The following BCAS3 variants were observed in gnomAD, a reference collection of about 807,000 sequenced individuals.
The protein encoded by BCAS3 is BCAS4/BCAS3 fusion.
Under a neutral mutation model 116.1 loss-of-function variants are expected in BCAS3, and 53 were observed. The observed-to-expected ratio is 0.46, with a 90% confidence interval of 0.37 to 0.57. BCAS3 has a LOEUF of 0.57. BCAS3 is among the 20% of genes least tolerant of loss of function. The probability of loss-of-function intolerance (pLI) is 0.00; values close to 1 mark genes in which losing one functional copy is unlikely to be tolerated. For missense variants in BCAS3, 917 were observed against 1,165.4 expected, an observed-to-expected ratio of 0.79 and a Z score of 3.10; for synonymous variants, 391 against 408.2, an observed-to-expected ratio of 0.96 and a Z score of 0.51.
intron 4 of BCAS3, among the ~76,000 whole-genome samples, chr17:60,705,246 T>A (rs8075596): frequency 0.07 from 10,662 of 152,080 alleles, 1,246 homozygotes; most frequent in African/African-American, 0.24. Flanking sequence ...GGGCCGGGCA[T>A]GGTGGCTCAT....
At chr17:60,905,447 TG>T (rs1259348106) in intron 11 of BCAS3, among the ~76,000 whole-genome samples, 2 of 152,236 alleles carry the variant, frequency 1.3e-5, no homozygotes, top group Non-Finnish European at 2.9e-5. Flanking sequence ...AGATAGTTTC[TG>T]GTTCTCTTGG....
intron 5 of BCAS3, among the ~76,000 whole-genome samples, chr17:60,716,505 C>T (rs549504312): frequency 9.9e-5 from 15 of 152,004 alleles, no homozygotes; most frequent in Non-Finnish European, 1.6e-4. Flanking sequence ...CATGGTGGCT[C>T]ACGCCTATAC....
At chr17:61,090,704 C>T (rs936653413) in intron 22 of BCAS3, among the ~76,000 whole-genome samples, 2 of 152,086 alleles carry the variant, frequency 1.3e-5, no homozygotes, top group Admixed American at 6.5e-5. Flanking sequence ...GTTGCCCAGG[C>T]TGGAGTGCAG....
Position 61,215,883 on chromosome 17 carries a change from GC to G in BCAS3, c.2425+131321del, listed in dbSNP as rs2081754616. Among the ~76,000 whole-genome samples, 1 of 152,160 alleles carries G rather than the reference GC, an allele frequency of 6.6e-6. No homozygotes were observed. The highest frequency in any genetic ancestry group is 1.9e-4 in the East Asian group (1 of 5,204). On this transcript the variant is annotated intron_variant, in intron 22 of 23. Coordinates refer to ENST00000407086, the MANE Select transcript of BCAS3 (RefSeq NM_017679.5). This position sits in a 1 kb window ranked among gnomAD's most constrained non-coding sequence, Gnocchi z 4.8. Reference sequence around the variant, plus strand: ...ACTCCCTGAGTAATTCTAGTGTACAGCCAGATTTGAAAACCTTTGTCTTAGT... The same window carrying G: ...ACTCCCTGAGTAATTCTAGTGTACAGCAGATTTGAAAACCTTTGTCTTAGT...
chr17:61,151,238 C>T lies in BCAS3; in HGVS notation c.2425+66674C>T, dbSNP rs374151397. Among the ~76,000 whole-genome samples the T allele has an allele frequency of 2.0e-5, 3 of 152,170 alleles. No individual in the cohort carries two copies. In the East Asian group the frequency reaches 5.8e-4, roughly 29 times the overall value. On this transcript the variant is annotated intron_variant, in intron 22 of 23. Coordinates refer to ENST00000407086, the MANE Select transcript of BCAS3 (RefSeq NM_017679.5). This position sits in a 1 kb window ranked among gnomAD's most constrained non-coding sequence, Gnocchi z 4.8. ...AAGGCAATGTTCATTGGAGGATTTTCGATCTTCAGATTAGGGATTCTCAAC... is the reference window on the plus strand; with the variant it reads ...AAGGCAATGTTCATTGGAGGATTTTTGATCTTCAGATTAGGGATTCTCAAC...
At chr17:60,965,605 A>G (rs1177987564) in intron 14 of BCAS3, among the ~76,000 whole-genome samples, 1 of 152,042 alleles carries the variant, frequency 6.6e-6, no homozygotes, top group East Asian at 1.9e-4. Flanking sequence ...TCATTGACCT[A>G]TTGGTCACTC....
rs149555184 is a variant in BCAS3 at position 61,213,201 on chromosome 17, A to C, written c.2425+128637A>C. Among the ~76,000 whole-genome samples, 618 of 151,778 alleles carry C rather than the reference A, an allele frequency of 4.1e-3. 6 individuals carry two copies. Among genetic ancestry groups the C allele is most frequent in the African/African-American group, 0.014 (574 of 41,362 alleles). ...GTTTTTTGTTTTGAGATTGAGTCTC[A>C]CTCTGTCACCCAGGCTGGAGTGCGG... On this transcript the variant is annotated intron_variant, in intron 22 of 23. Coordinates refer to ENST00000407086, the MANE Select transcript of BCAS3 (RefSeq NM_017679.5). The surrounding 1 kb of genome is among the most constrained non-coding windows in gnomAD (Gnocchi z 5.4).
At chr17:61,221,216 A>G (rs1286514203) in intron 22 of BCAS3, among the ~76,000 whole-genome samples, 1 of 152,262 alleles carries the variant, frequency 6.6e-6, no homozygotes, top group Non-Finnish European at 1.5e-5. Context: ...ACATGGAAAC[A>G]GTAGTTTGCC....
chr17:60,842,149 G>T (rs2052002965), intron 7 of BCAS3, among the ~76,000 whole-genome samples: 1 of 152,044 alleles, frequency 6.6e-6, no homozygotes, highest in Non-Finnish European at 1.5e-5. Context: ...GTTACTTTTA[G>T]ATTTTTTGAT....
chr17:60,903,889 C>G (rs931881635), intron 11 of BCAS3, among the ~76,000 whole-genome samples: 1 of 152,174 alleles, frequency 6.6e-6, no homozygotes, highest in African/African-American at 2.4e-5. Flanking sequence ...ATCTTTTTCT[C>G]AAGTATTAGA....
intron 19 of BCAS3, among the ~76,000 whole-genome samples, chr17:61,070,940 A>G (rs1483740923): frequency 6.6e-6 from 1 of 150,954 alleles, no homozygotes; most frequent in Non-Finnish European, 1.5e-5. Flanking sequence ...TTTGACTAAA[A>G]CAACAACAAC....
chr17:60,841,609 T>G (rs1488766168), intron 7 of BCAS3, among the ~76,000 whole-genome samples: 1 of 150,428 alleles, frequency 6.6e-6, no homozygotes, highest in African/African-American at 2.5e-5. Context: ...CTCGATCTCC[T>G]GACCTCGTGA....
At chr17:60,820,059 G>C (rs1184384456) in intron 7 of BCAS3, among the ~76,000 whole-genome samples, 2 of 151,430 alleles carry the variant, frequency 1.3e-5, no homozygotes, top group Non-Finnish European at 2.9e-5. Flanking sequence ...CCTGACAGTG[G>C]GACATCTTTT....
chr17:61,040,969 A>G, intron 19 of BCAS3, 77 bp downstream of exon 19: 1 of 1,259,910 alleles, frequency 7.9e-7, no homozygotes, highest in South Asian at 1.2e-5. Flanking sequence ...TTTGAAAGCA[A>G]ACATTACCAC....
intron 12 of BCAS3, among the ~76,000 whole-genome samples, chr17:60,912,546 A>G (rs961732294): frequency 2.6e-5 from 4 of 152,114 alleles, no homozygotes; most frequent in Non-Finnish European, 5.9e-5. Flanking sequence ...AATCTGAGTA[A>G]TAATTCTCTG....
chr17:60,683,301 CAA>C (rs2033462504), intron 2 of BCAS3, among the ~76,000 whole-genome samples: 1 of 152,072 alleles, frequency 6.6e-6, no homozygotes, highest in Admixed American at 6.6e-5. Context: ...TGCTCTGACT[CAA>C]GAGGAAGGTC....
intron 22 of BCAS3, among the ~76,000 whole-genome samples, chr17:61,246,819 G>GTGTGTGTGTGTA (rs1050515797): frequency 6.6e-6 from 1 of 151,896 alleles, no homozygotes; most frequent in Admixed American, 6.6e-5. Context: ...GTGTGTGTGT[G>GTGTGTGTGTGTA]TGTGTGTGTG....
rs772900751 is a variant in BCAS3, at chr17:60,754,680, TACACACACACACACACAC to T, written c.403+7445_403+7462del. On this transcript the variant is annotated intron_variant, in intron 6 of 23. Transcript: ENST00000407086. ...AGAAATGCAGATGTAAAATTTAAAA[TACACACACACACACACAC>T]ACACACACACACACACACACACACA... is the stretch of plus-strand genomic sequence containing the variant. 9.3e-3 allele frequency among the ~76,000 whole-genome samples: 1,351 copies of T among 145,452 alleles called. 27 individuals carry two copies. The highest frequency in any genetic ancestry group is 0.034 in the African/African-American group (1,255 of 36,912).
At chr17:61,357,467 C>T (rs1603019087) in intron 22 of BCAS3, among the ~76,000 whole-genome samples, 1 of 145,472 alleles carries the variant, frequency 6.9e-6, no homozygotes, top group African/African-American at 2.5e-5. Context: ...TTTTTTGAAA[C>T]AGAGTCTTGC....
Sources: gnomAD v4.1 joint callset for allele counts (sites outside exome capture counted in the v4.1 genomes callset) on GRCh38, gnomAD v4.1.1 for gene constraint, Gnocchi (gnomAD v3.1) non-coding constraint, MANE v1.5 for transcripts, NCBI Gene and HGNC (gene_info 2026-07-23, HGNC 2026-07-21) for gene names.